PVR: variants seen among roughly 807,000 people sequenced by gnomAD.
PVR encodes poliovirus receptor.
In PVR, 39 loss-of-function variants were observed where a neutral mutation model predicts 43.3. The ratio of observed to expected loss-of-function variants is 0.90; its 90% CI spans 0.70 to 1.18. The LOEUF (loss-of-function observed/expected upper bound fraction) is 1.18, where lower values mean the gene tolerates loss of function less well. Among genes scored for constraint, PVR ranks in the 50% most tolerant of loss-of-function variants. The pLI, the probability that PVR is intolerant of heterozygous loss-of-function variation, is 0.00. For synonymous variants in PVR, 224 were observed against 233.2 expected, an observed-to-expected ratio of 0.96 and a Z score of 0.36; for missense variants, 480 against 549.7, an observed-to-expected ratio of 0.87 and a Z score of 1.27.
In PVR at chr19:44,662,447, G is replaced by C. The variant is rs188654101; in HGVS notation, c.*636G>C. 1 of 152,832 alleles carries C rather than the reference G, an allele frequency of 6.5e-6. No homozygotes were observed. Among genetic ancestry groups the C allele is most frequent in the East Asian group, 1.9e-4 (1 of 5,180 alleles). The allele number at this position is 152,832 out of a possible 1,614,324, so 9.5% of individuals were successfully genotyped here. ...ATCTTTTTATTATTTGTAAAGTCGA[G>C]GTTTCCCTGTGTTGCCCAGGCTGGT... On this transcript the variant is annotated 3_prime_UTR_variant, in exon 8 of 8. Coordinates refer to ENST00000425690, the MANE Select transcript of PVR (RefSeq NM_006505.5).
At chr19:44,656,774 A>G (rs1973457425) in intron 4 of PVR, among the ~76,000 whole-genome samples, 2 of 152,140 alleles carry the variant, frequency 1.3e-5, no homozygotes, top group Non-Finnish European at 2.9e-5. Flanking sequence ...GTTCAAGACC[A>G]GCCTGGCCAA....
intron 1 of PVR, among the ~76,000 whole-genome samples, chr19:44,644,491 A>G (rs546631637): frequency 1.3e-5 from 2 of 152,186 alleles, no homozygotes; most frequent in African/African-American, 2.4e-5. Flanking sequence ...CCAAAAAGGC[A>G]AGTGAATCCC....
intron 2 of PVR, among the ~76,000 whole-genome samples, chr19:44,649,004 T>C (rs1406522797): frequency 2.0e-5 from 3 of 152,212 alleles, no homozygotes; most frequent in Non-Finnish European, 4.4e-5. Context: ...AAAGCCCAGC[T>C]CTGCTGCTTA....
At position 44,661,795 on chromosome 19, in the gene PVR, CAG is replaced by C. The variant is rs749512984; in HGVS notation, c.1241_1242del (p.Glu414GlyfsTer125). On this transcript the variant is annotated frameshift_variant, in exon 8 of 8. Transcript: ENST00000425690. LOFTEE classifies it high-confidence loss of function. ...AACAGCTCTTCCCAGGATCCACAGACAGAGGGCACAAGGTGACAGCGTCGGGA... is the reference window on the plus strand; with the variant it reads ...AACAGCTCTTCCCAGGATCCACAGACAGGGCACAAGGTGACAGCGTCGGGA... The C allele has an allele frequency of 6.8e-6, 11 of 1,614,012 alleles. No homozygotes were observed. In the South Asian group the frequency reaches 1.2e-4, roughly 18 times the overall value.
At chr19:44,655,696 T>C (rs1489245654) in intron 4 of PVR, among the ~76,000 whole-genome samples, 1 of 152,172 alleles carries the variant, frequency 6.6e-6, no homozygotes, top group Non-Finnish European at 1.5e-5. Flanking sequence ...CTGTCAAACA[T>C]ACAGAAAAAT....
At position 44,657,878 on chromosome 19, in the gene PVR, C is replaced by T. The variant is rs373484275; in HGVS notation, c.959C>T (p.Ala320Val). 3.1e-6 allele frequency: 5 copies of T among 1,613,792 alleles called. No homozygotes were observed. The African/African-American group carries it at 4.0e-5, about 13-fold the overall frequency. Residue 320 changes from alanine to valine, a missense_variant, in exon 5 of 8, where the codon GCT (alanine) becomes GTT (valine). Coordinates refer to ENST00000425690, the MANE Select transcript of PVR (RefSeq NM_006505.5). ...LICNVTNALG[A>V]RQAELTVQVK... is the part of the protein sequence containing the mutation. ...TGCAACGTCACCAATGCCCTAGGAG[C>T]TCGCCAGGCAGAACTGACCGTCCAG... is the stretch of plus-strand genomic sequence containing the variant.
Position 44,658,874 on chromosome 19 carries a change from T to G in PVR, c.1124T>G (p.Leu375Arg), listed in dbSNP as rs761256528. The G allele has an allele frequency of 6.2e-7, 1 of 1,614,110 alleles. No homozygotes were observed. The highest frequency in any genetic ancestry group is 1.1e-5 in the South Asian group (1 of 91,068). ...TGGTCCAAATGTTCCCGTGAGGTCC[T>G]TTGGCACTGTCATCTGTGTCCCTCG... is the stretch of plus-strand genomic sequence containing the variant. Reference protein sequence around the residue: ...FYWSKCSREVLWHCHLCPSST... With the variant: ...FYWSKCSREVRWHCHLCPSST... The change falls in exon 6 of 8, where the codon CTT becomes CGT. Residue 375 changes from leucine to arginine, a missense_variant. Coordinates refer to ENST00000425690, the MANE Select transcript of PVR (RefSeq NM_006505.5).
Position 44,643,932 on chromosome 19 carries a change from G to C in PVR, c.-165G>C. On this transcript the variant is annotated 5_prime_UTR_variant, in exon 1 of 8. Transcript: ENST00000425690. Reference sequence around the variant, plus strand: ...TCCAGTCACTTGTCTGGAGCTTGAAGAAGTGGGTATTCCCCTTCCCACCCC... The same window carrying C: ...TCCAGTCACTTGTCTGGAGCTTGAACAAGTGGGTATTCCCCTTCCCACCCC... 1.8e-6 allele frequency: 1 copy of C among 547,444 alleles called. No homozygotes were observed. The highest frequency in any genetic ancestry group is 3.1e-6 in the Non-Finnish European group (1 of 319,902). The allele number at this position is 547,444 out of a possible 1,614,324, so 33.9% of individuals were successfully genotyped here. A position where few individuals can be genotyped will look rare whatever the true frequency, so the allele number is the denominator to read the frequency against.
chr19:44,665,635 CAAAA>C lies in PVR; in HGVS notation c.*3846_*3849del, dbSNP rs61229833. On this transcript the variant is annotated 3_prime_UTR_variant, in exon 8 of 8. Coordinates refer to ENST00000425690, the MANE Select transcript of PVR (RefSeq NM_006505.5). The stretch of plus-strand genomic sequence containing the variant: ...GGTGACAAGAGTGAGACTCTGTCTC[CAAAA>C]AAAAAAAAAAAAAAAAAAAAACTGG... 5 of 58,382 alleles carry C rather than the reference CAAAA, an allele frequency of 8.6e-5. No homozygotes were observed. Among genetic ancestry groups the C allele is most frequent in the South Asian group, 7.1e-4 (1 of 1,404 alleles). The allele number at this position is 58,382 out of a possible 1,614,324, so 3.6% of individuals were successfully genotyped here.
In PVR at chr19:44,662,907, G is replaced by A. The variant is rs1973624209; in HGVS notation, c.*1096G>A. 2 of 152,222 alleles carry A rather than the reference G, an allele frequency of 1.3e-5. No homozygotes were observed. 9.4% of individuals were successfully genotyped at this position (152,222 alleles called of 1,614,324 possible). A position where few individuals can be genotyped will look rare whatever the true frequency, so the allele number is the denominator to read the frequency against. Reference sequence around the variant, plus strand: ...CCAGAGGCTGCAATTCAGGCCGCAAGCAGCTGCCTGGGGGGTGTCCAAGGA... The same window carrying A: ...CCAGAGGCTGCAATTCAGGCCGCAAACAGCTGCCTGGGGGGTGTCCAAGGA... On this transcript the variant is annotated 3_prime_UTR_variant, in exon 8 of 8. Transcript: ENST00000425690.
intron 3 of PVR, among the ~76,000 whole-genome samples, chr19:44,652,960 G>A (rs753613647): frequency 9.9e-5 from 15 of 151,648 alleles, no homozygotes; most frequent in African/African-American, 3.4e-4. Context: ...TGTGTATTTC[G>A]GCCTGGCTAT....
Position 44,661,960 on chromosome 19 carries a change from A to C in PVR, c.*149A>C, listed in dbSNP as rs566344320. ...CCTCAAAACGACGGGGGCAGGTGCA[A>C]GTTCATAGGTCTCCAAGACCACCCT... On this transcript the variant is annotated 3_prime_UTR_variant, in exon 8 of 8. Coordinates refer to ENST00000425690, the MANE Select transcript of PVR (RefSeq NM_006505.5). 93 of 668,314 alleles carry C rather than the reference A, an allele frequency of 1.4e-4. No homozygotes were observed. In the African/African-American group the frequency reaches 1.5e-3, roughly 11 times the overall value. The allele number at this position is 668,314 out of a possible 1,614,324, so 41.4% of individuals were successfully genotyped here.
rs144274255 is a variant in PVR at position 44,658,920 on chromosome 19, C to T, written c.1150+20C>T. Reference sequence around the variant, plus strand: ...CCTCGAGTGAGCATCACCAGAGCTGCCGTAATTGAGCACCTACTACGGGCT... The same window carrying T: ...CCTCGAGTGAGCATCACCAGAGCTGTCGTAATTGAGCACCTACTACGGGCT... On this transcript the variant is annotated intron_variant, in intron 6 of 7. Transcript: ENST00000425690. 45 of 1,611,332 alleles carry T rather than the reference C, an allele frequency of 2.8e-5. No homozygotes were observed. In the African/African-American group the frequency reaches 4.3e-4, roughly 15 times the overall value.
At position 44,647,247 on chromosome 19, in the gene PVR, C is replaced by T; in HGVS notation, c.104C>T (p.Thr35Ile). The T allele has an allele frequency of 1.3e-6, 2 of 1,549,778 alleles. No individual in the cohort carries two copies. The part of the protein sequence containing the change: ...GTGDVVVQAP[T>I]QVPGFLGDSV... ...GGGGACGTCGTCGTGCAGGCGCCCACCCAGGTGCCCGGCTTCTTGGGCGAC... is the reference window on the plus strand; with the variant it reads ...GGGGACGTCGTCGTGCAGGCGCCCATCCAGGTGCCCGGCTTCTTGGGCGAC... Residue 35 changes from threonine to isoleucine, a missense_variant, in exon 2 of 8, where the codon ACC becomes ATC. Thr to Ile is a moderately conservative substitution (Grantham distance 89). Transcript: ENST00000425690.
Position 44,649,853 on chromosome 19 carries a change from G to A in PVR, c.472G>A (p.Gly158Arg). 6.2e-7 allele frequency: 1 copy of A among 1,614,090 alleles called. No individual in the cohort carries two copies. The highest frequency in any genetic ancestry group is 2.2e-5 in the East Asian group (1 of 44,870). ...TAEVQKVQLTGEPVPMARCVS... is the reference protein window; with the variant it reads ...TAEVQKVQLTREPVPMARCVS... The stretch of plus-strand genomic sequence containing the variant: ...TGAGGTTCAGAAGGTCCAGCTCACT[G>A]GAGAGCCAGTGCCCATGGCCCGCTG... The change falls in exon 3 of 8, where the codon GGA (glycine) becomes AGA (arginine). Residue 158 changes from glycine (G) to arginine (R), a missense_variant. Physicochemically the swap from Gly to Arg is moderately radical, Grantham distance 125. Transcript: ENST00000425690.
intron 1 of PVR, among the ~76,000 whole-genome samples, chr19:44,646,624 T>C (rs1373018731): frequency 6.6e-6 from 1 of 151,882 alleles, no homozygotes; most frequent in Non-Finnish European, 1.5e-5. Context: ...TACAAAAAAT[T>C]AGCCAGGTGT....
At chr19:44,650,167 C>T in intron 3 of PVR, 62 bp downstream of exon 3, 2 of 1,443,360 alleles carry the variant, frequency 1.4e-6, no homozygotes, top group South Asian at 1.4e-5. Flanking sequence ...CCACTGTCTA[C>T]ACTGACTCCC....
chr19:44,661,661 GC>G (rs528452606), intron 7 of PVR, 78 bp from the exon 8 acceptor site: 20,000 of 1,327,220 alleles, frequency 0.015, 194 homozygotes, highest in South Asian at 0.026. Context: ...GCAGTTCTTT[GC>G]ACATGGGGCT....
Position 44,662,317 on chromosome 19 carries a change from G to A in PVR, c.*506G>A, listed in dbSNP as rs186666682. 502 of 160,978 alleles carry A rather than the reference G, an allele frequency of 3.1e-3. 4 individuals carry two copies. Among genetic ancestry groups the A allele is most frequent in the Non-Finnish European group, 5.5e-3 (396 of 72,544 alleles). The allele number at this position is 160,978 out of a possible 1,614,324, so 10.0% of individuals were successfully genotyped here. A position where few individuals can be genotyped will look rare whatever the true frequency, so the allele number is the denominator to read the frequency against. ...TGTTGGCAGACTAGAGTACAGTGGT[G>A]AGATCACAGTTCATTGCAGCCTTGA... On this transcript the variant is annotated 3_prime_UTR_variant, in exon 8 of 8. Transcript: ENST00000425690.
Sources: allele counts gnomAD v4.1 joint callset (sites outside exome capture counted in the v4.1 genomes callset), GRCh38; gene constraint gnomAD v4.1.1; transcripts MANE v1.5; gene names NCBI Gene and HGNC (gene_info 2026-07-23, HGNC 2026-07-21).